ADAMTS2: variants seen among roughly 807,000 people sequenced by gnomAD.
ADAMTS2 encodes A disintegrin and metalloproteinase with thrombospondin motifs 2.
ADAMTS2 carries 50 observed loss-of-function variants against 123.0 expected under a neutral mutation model. The observed-to-expected ratio is 0.41, with a 90% CI of 0.32 to 0.51. The LOEUF (loss-of-function observed/expected upper bound fraction) is 0.51. ADAMTS2 is among the 20% of genes least tolerant of loss of function. The probability of loss-of-function intolerance (pLI) is 0.35; values close to 1 mark genes in which losing one functional copy is unlikely to be tolerated. For synonymous variants in ADAMTS2, 678 were observed against 695.4 expected, an observed-to-expected ratio of 0.98 and a Z score of 0.39; for missense variants, 1,494 against 1,705.2, an observed-to-expected ratio of 0.88 and a Z score of 2.18.
At chr5:179,125,618 C>A (rs1762840445) in intron 18 of ADAMTS2, among the ~76,000 whole-genome samples, 1 of 152,268 alleles carries the variant, frequency 6.6e-6, no homozygotes, top group Admixed American at 6.5e-5. Context: ...CATTTCCCAA[C>A]TGTCTTCCCC....
chr5:179,319,419 GC>G (rs1405881370), intron 2 of ADAMTS2, among the ~76,000 whole-genome samples: 2 of 151,826 alleles, frequency 1.3e-5, no homozygotes, highest in African/African-American at 4.8e-5. Context: ...CATGCATCAA[GC>G]ACATGCATTA....
In ADAMTS2 at chr5:179,129,952, G is replaced by A. The variant is rs200073267; in HGVS notation, c.2437C>T (p.His813Tyr). 7.4e-6 allele frequency: 12 copies of A among 1,613,974 alleles called. No homozygotes were observed. In the East Asian group the frequency reaches 1.8e-4, roughly 24 times the overall value. ...RETLQTMGPLHGTITVLVIPV... is the reference protein window; with the variant it reads ...RETLQTMGPLYGTITVLVIPV... Reference sequence around the variant, plus strand: ...CTCACCAGAACGGTGATGGTGCCGTGGAGGGGGCCCATGGTCTGCAGCGTC... The same window carrying A: ...CTCACCAGAACGGTGATGGTGCCGTAGAGGGGGCCCATGGTCTGCAGCGTC... Residue 813 changes from histidine to tyrosine, a missense_variant, in exon 16 of 22, where the codon CAC (histidine) becomes TAC (tyrosine). Around this residue, in one of 6 missense-constraint regions of ADAMTS2, gnomAD observed 953 missense variants for 1,124.7 expected, o/e 0.85. Transcript: ENST00000251582. The surrounding 1 kb of genome is among the most constrained non-coding windows in gnomAD (Gnocchi z 4.1).
At chr5:179,171,950 T>A (rs1380634119) in intron 5 of ADAMTS2, among the ~76,000 whole-genome samples, 1 of 152,068 alleles carries the variant, frequency 6.6e-6, no homozygotes, top group Non-Finnish European at 1.5e-5. Flanking sequence ...AACCCAGCAC[T>A]GCCTCTCCCC....
At chr5:179,125,286 G>C in intron 18 of ADAMTS2, 106 bp from the exon 19 acceptor site, 1 of 1,003,562 alleles carries the variant, frequency 1.0e-6, no homozygotes, top group Non-Finnish European at 1.5e-6. Context: ...AGCGAGCACA[G>C]AGGGCAGCCT....
At chr5:179,208,603 G>A (rs1764776472) in intron 3 of ADAMTS2, among the ~76,000 whole-genome samples, 1 of 152,082 alleles carries the variant, frequency 6.6e-6, no homozygotes, top group Non-Finnish European at 1.5e-5. Context: ...TCTGTGTCCT[G>A]CGGGCCTGGA....
intron 3 of ADAMTS2, among the ~76,000 whole-genome samples, chr5:179,240,278 G>A (rs996759306): frequency 2.0e-4 from 30 of 152,176 alleles, no homozygotes; most frequent in African/African-American, 6.0e-4. Flanking sequence ...CTTTGTTCAG[G>A]GGTACCCGTG....
chr5:179,159,698 G>A (rs1003117561), intron 5 of ADAMTS2, among the ~76,000 whole-genome samples: 2 of 152,110 alleles, frequency 1.3e-5, no homozygotes, highest in East Asian at 3.8e-4. Context: ...TTAGACTTCA[G>A]GACTAAGAAG....
At chr5:179,134,096 T>TA (rs1334180992) in intron 13 of ADAMTS2, among the ~76,000 whole-genome samples, 1 of 152,208 alleles carries the variant, frequency 6.6e-6, no homozygotes, top group Non-Finnish European at 1.5e-5. Context: ...CCCTCCCCGT[T>TA]AGGTTTACAA....
At chr5:179,236,314 C>G (rs867214552) in intron 3 of ADAMTS2, among the ~76,000 whole-genome samples, 2 of 152,154 alleles carry the variant, frequency 1.3e-5, no homozygotes, top group African/African-American at 4.8e-5. Flanking sequence ...GGAAGAGGGA[C>G]GCCAATTGTT....
At chr5:179,148,236 C>T (rs1763287627) in intron 10 of ADAMTS2, among the ~76,000 whole-genome samples, 1 of 152,118 alleles carries the variant, frequency 6.6e-6, no homozygotes, top group South Asian at 2.1e-4. Context: ...CCTCCATCTC[C>T]TCAACACACG....
chr5:179,293,626 T>A (rs919299215), intron 2 of ADAMTS2, among the ~76,000 whole-genome samples: 20 of 151,972 alleles, frequency 1.3e-4, no homozygotes, highest in Middle Eastern at 6.8e-3. Context: ...TTTGTTTGTT[T>A]TTCTCAAGAT....
rs2113214620 is a variant in ADAMTS2, at chr5:179,135,999, C to T, written c.1995G>A (p.Gly665=). Residue 665 remains glycine, a synonymous_variant, in exon 13 of 22, where the codon GGG becomes GGA. Coordinates refer to ENST00000251582, the MANE Select transcript of ADAMTS2 (RefSeq NM_014244.5). ...CCATGCGCTTCATGGACACCACCTC[C>T]CCGGTCTCCCTGGACTCGCAGTACA... The part of the protein sequence containing the change: ...CHLYCESRET[G]EVVSMKRMVH... The T allele has an allele frequency of 1.2e-6, 2 of 1,613,496 alleles. No individual in the cohort carries two copies. The highest frequency in any genetic ancestry group is 1.1e-5 in the South Asian group (1 of 91,080).
chr5:179,206,979 G>A (rs1238434851), intron 4 of ADAMTS2, among the ~76,000 whole-genome samples: 1 of 152,152 alleles, frequency 6.6e-6, no homozygotes, highest in East Asian at 1.9e-4. Context: ...CTTTAAGGAG[G>A]GGCCCTGGGT....
At position 179,181,229 on chromosome 5, in the gene ADAMTS2, C is replaced by G. The variant is rs550623207; in HGVS notation, c.892-74G>C. Reference sequence around the variant, plus strand: ...GCTCTGGCTCTGCCAATGGGATGACCCCCACCTGCTCCTTCTTCTTCCCAT... The same window carrying G: ...GCTCTGGCTCTGCCAATGGGATGACGCCCACCTGCTCCTTCTTCTTCCCAT... On this transcript the variant is annotated intron_variant, in intron 4 of 21. Coordinates refer to ENST00000251582, the MANE Select transcript of ADAMTS2 (RefSeq NM_014244.5). This position sits in a 1 kb window ranked among gnomAD's most constrained non-coding sequence, Gnocchi z 4.1. 6.1e-4 allele frequency: 643 copies of G among 1,060,572 alleles called. No homozygotes were observed. Among genetic ancestry groups the G allele is most frequent in the Admixed American group, 1.8e-3 (106 of 58,568 alleles). The allele number at this position is 1,060,572 out of a possible 1,614,324, so 65.7% of individuals were successfully genotyped here. A position where few individuals can be genotyped will look rare whatever the true frequency, so the allele number is the denominator to read the frequency against.
intron 5 of ADAMTS2, among the ~76,000 whole-genome samples, chr5:179,169,353 TA>T (rs1475976904): frequency 6.6e-6 from 1 of 152,188 alleles, no homozygotes; most frequent in Non-Finnish European, 1.5e-5. Context: ...GAACAGTGAG[TA>T]ACACAATTCC....
chr5:179,336,659 A>AC (rs1448487045), intron 2 of ADAMTS2, among the ~76,000 whole-genome samples: 2 of 151,798 alleles, frequency 1.3e-5, no homozygotes, highest in Admixed American at 1.3e-4. Flanking sequence ...CCGCTTTCTC[A>AC]CCCCCGGGCC....
chr5:179,299,136 G>C (rs1756426530), intron 2 of ADAMTS2, among the ~76,000 whole-genome samples: 1 of 151,916 alleles, frequency 6.6e-6, no homozygotes, highest in Admixed American at 6.6e-5. Flanking sequence ...AATAGCATGA[G>C]TGACAAGATC....
Position 179,162,488 on chromosome 5 carries a change from C to G in ADAMTS2, c.976-3609G>C, listed in dbSNP as rs989891641. 6.6e-6 allele frequency among the ~76,000 whole-genome samples: 1 copy of G among 152,260 alleles called. No homozygotes were observed. The highest frequency in any genetic ancestry group is 2.1e-4 in the South Asian group (1 of 4,820). ...TCTCATCTGAAGGCTGTACCGGAGG[C>G]GGGTCAGCTCCCAGGCTCATTCAGG... On this transcript the variant is annotated intron_variant, in intron 5 of 21. Transcript: ENST00000251582. This position sits in a 1 kb window ranked among gnomAD's most constrained non-coding sequence, Gnocchi z 5.1.
rs935188573 is a variant in ADAMTS2 at position 179,188,795 on chromosome 5, C to T, written c.892-7640G>A. Among the ~76,000 whole-genome samples the T allele has an allele frequency of 9.2e-5, 14 of 152,238 alleles. No homozygotes were observed. Among genetic ancestry groups the T allele is most frequent in the African/African-American group, 1.7e-4 (7 of 41,538 alleles). On this transcript the variant is annotated intron_variant, in intron 4 of 21. Coordinates refer to ENST00000251582, the MANE Select transcript of ADAMTS2 (RefSeq NM_014244.5). This position sits in a 1 kb window ranked among gnomAD's most constrained non-coding sequence, Gnocchi z 5.1. ...CTCTGCAGATGCCTCAGGGTGGGGA[C>T]GGGGCTCCTCCACTTCCAGGCCAGC...
Sources: allele counts gnomAD v4.1 joint callset (sites outside exome capture counted in the v4.1 genomes callset), GRCh38; gene constraint gnomAD v4.1.1; regional missense constraint gnomAD v4.1.1; non-coding constraint Gnocchi (gnomAD v3.1); transcripts MANE v1.5; gene names NCBI Gene and HGNC (gene_info 2026-07-23, HGNC 2026-07-21).